CHCHD6: variants seen among roughly 807,000 people sequenced by gnomAD.
The protein encoded by CHCHD6 is MICOS complex subunit MIC25.
In CHCHD6, 28 loss-of-function variants were observed where a neutral mutation model predicts 32.3. The observed-to-expected ratio is 0.87, with a 90% CI of 0.64 to 1.19. The LOEUF is 1.19. Ranked by LOEUF, CHCHD6 falls within the 50% of genes most tolerant of loss-of-function variation. CHCHD6 has a pLI of 0.00. For missense variants in CHCHD6, 333 were observed against 307.0 expected (o/e 1.08, Z -0.63); for synonymous variants, 122 against 117.5 (o/e 1.04, Z -0.25).
intron 6 of CHCHD6, among the ~76,000 whole-genome samples, chr3:126,939,798 A>G (rs913012423): frequency 2.6e-5 from 4 of 152,206 alleles, no homozygotes; most frequent in African/African-American, 9.7e-5. Context: ...TAAGGGCATC[A>G]TTTATTCTCC....
chr3:126,771,179 T>C (rs1485105333), intron 4 of CHCHD6, among the ~76,000 whole-genome samples: 2 of 151,798 alleles, frequency 1.3e-5, no homozygotes, highest in African/African-American at 4.8e-5. Flanking sequence ...TAATGTACCC[T>C]TTATTATTTC....
intron 4 of CHCHD6, among the ~76,000 whole-genome samples, chr3:126,757,411 AG>A (rs1316816446): frequency 1.3e-5 from 2 of 152,124 alleles, no homozygotes; most frequent in Non-Finnish European, 2.9e-5. Context: ...GTGGTGGGGC[AG>A]GGGGGCTCAA....
intron 6 of CHCHD6, among the ~76,000 whole-genome samples, chr3:126,935,784 G>C: frequency 6.6e-6 from 1 of 152,150 alleles, no homozygotes; most frequent in East Asian, 1.9e-4. Flanking sequence ...GCATCTTTAA[G>C]AATTAAAAAC....
intron 4 of CHCHD6, among the ~76,000 whole-genome samples, chr3:126,793,991 T>C (rs1419148369): frequency 1.3e-5 from 2 of 152,156 alleles, no homozygotes; most frequent in East Asian, 3.8e-4. Flanking sequence ...AGGTAATGTG[T>C]CATTCATTTC....
chr3:126,959,442 G>C (rs550174789), intron 7 of CHCHD6, among the ~76,000 whole-genome samples: 1 of 152,242 alleles, frequency 6.6e-6, no homozygotes, highest in Admixed American at 6.5e-5. Flanking sequence ...GGCAAGTGCT[G>C]GAGAAACTCT....
chr3:126,877,874 A>G (rs1316543031), intron 5 of CHCHD6, among the ~76,000 whole-genome samples: 1 of 152,336 alleles, frequency 6.6e-6, no homozygotes, highest in East Asian at 1.9e-4. Context: ...GGAATCTACA[A>G]TTATCTCAAA....
At chr3:126,855,328 G>C (rs907454223) in intron 5 of CHCHD6, among the ~76,000 whole-genome samples, 2 of 152,132 alleles carry the variant, frequency 1.3e-5, no homozygotes, top group African/African-American at 4.8e-5. Flanking sequence ...CTTTCAGCTC[G>C]GTTTCTCCAT....
chr3:126,784,153 C>T (rs1404190195), intron 4 of CHCHD6, among the ~76,000 whole-genome samples: 1 of 152,082 alleles, frequency 6.6e-6, no homozygotes, highest in East Asian at 1.9e-4. Context: ...ATCTATTTCA[C>T]ACTCCCCACC....
At chr3:126,823,593 G>A (rs1466468408) in intron 4 of CHCHD6, among the ~76,000 whole-genome samples, 1 of 152,110 alleles carries the variant, frequency 6.6e-6, no homozygotes, top group East Asian at 1.9e-4. Flanking sequence ...ACTAGTTCAT[G>A]TATTGTGTAG....
intron 5 of CHCHD6, among the ~76,000 whole-genome samples, chr3:126,865,151 T>G: frequency 2.9e-5 from 1 of 34,052 alleles, no homozygotes; most frequent in African/African-American, 7.9e-5. Flanking sequence ...CCACCTCCTT[T>G]TCCACCACCT....
intron 5 of CHCHD6, among the ~76,000 whole-genome samples, chr3:126,888,798 A>G (rs780821097): frequency 3.9e-5 from 6 of 152,118 alleles, no homozygotes; most frequent in South Asian, 2.1e-4. Flanking sequence ...ACATTTTTGC[A>G]TGGGGCTGAG....
intron 4 of CHCHD6, among the ~76,000 whole-genome samples, chr3:126,754,088 A>G (rs1936849993): frequency 1.3e-5 from 2 of 152,238 alleles, no homozygotes; most frequent in African/African-American, 2.4e-5. Context: ...AGTCCATAAA[A>G]TAGTCATAGC....
rs1451571370 is a variant in CHCHD6 at position 126,865,654 on chromosome 3, CTAT to C, written c.495+12928_495+12930del. On this transcript the variant is annotated intron_variant, in intron 5 of 7. Coordinates refer to ENST00000290913, the MANE Select transcript of CHCHD6 (RefSeq NM_032343.3). ...GCTGCCCCCTCTCCCACCGCTACTA[CTAT>C]TATCACCTCCCTCACTGCCCCCACT... The C allele has an allele frequency of 3.0e-6, 3 of 985,202 alleles. No individual in the cohort carries two copies. The African/African-American group carries it at 5.2e-5, about 17-fold the overall frequency. The allele number at this position is 985,202 out of a possible 1,614,324, so 61.0% of individuals were successfully genotyped here.
chr3:126,750,560 C>T (rs9848317), intron 4 of CHCHD6, among the ~76,000 whole-genome samples: 10,854 of 152,256 alleles, frequency 0.071, 1,316 homozygotes, highest in African/African-American at 0.25. Flanking sequence ...GTCAAGCCAG[C>T]GTGGCCTTTG....
At chr3:126,819,479 G>A (rs2107535555) in intron 4 of CHCHD6, among the ~76,000 whole-genome samples, 1 of 152,314 alleles carries the variant, frequency 6.6e-6, no homozygotes, top group African/African-American at 2.4e-5. Flanking sequence ...CTATGAGGAG[G>A]CTATGCATGC....
chr3:126,807,538 C>T (rs1939454255), intron 4 of CHCHD6, among the ~76,000 whole-genome samples: 1 of 152,070 alleles, frequency 6.6e-6, no homozygotes, highest in South Asian at 2.1e-4. Flanking sequence ...AGTCTTAGCT[C>T]AGGAGGTCAA....
intron 5 of CHCHD6, among the ~76,000 whole-genome samples, chr3:126,864,334 C>T (rs1942145879): frequency 6.6e-6 from 1 of 150,590 alleles, no homozygotes; most frequent in African/African-American, 2.4e-5. Flanking sequence ...TCCACCACCA[C>T]CTCACCATTC....
At chr3:126,805,032 G>T (rs955707261) in intron 4 of CHCHD6, among the ~76,000 whole-genome samples, 1 of 152,064 alleles carries the variant, frequency 6.6e-6, no homozygotes, top group Admixed American at 6.5e-5. Flanking sequence ...AATAAATTAG[G>T]TATTGATGGG....
Position 126,733,218 on chromosome 3 carries a change from G to C in CHCHD6, c.407G>C (p.Arg136Pro). The C allele has an allele frequency of 6.2e-7, 1 of 1,613,394 alleles. No individual in the cohort carries two copies. Among genetic ancestry groups the C allele is most frequent in the Non-Finnish European group, 8.5e-7 (1 of 1,179,746 alleles). Reference sequence around the variant, plus strand: ...AGCCATGAGGAGCAGAAGTCAGTCCGGCTGGTGAGTGCAGATTTTCCCTGA... The same window carrying C: ...AGCCATGAGGAGCAGAAGTCAGTCCCGCTGGTGAGTGCAGATTTTCCCTGA... ...SISHEEQKSV[R>P]LARELESREA... The change falls in exon 4 of 8, where the codon CGG becomes CCG. Residue 136 changes from arginine (R) to proline (P), a missense_variant. Physicochemically the swap from Arg to Pro is moderately radical, Grantham distance 103. Coordinates refer to ENST00000290913, the MANE Select transcript of CHCHD6 (RefSeq NM_032343.3).
Sources: gnomAD v4.1 joint callset for allele counts (sites outside exome capture counted in the v4.1 genomes callset) on GRCh38, gnomAD v4.1.1 for gene constraint, MANE v1.5 for transcripts, NCBI Gene and HGNC (gene_info 2026-07-23, HGNC 2026-07-21) for gene names.